APBA1: variants seen among roughly 807,000 people sequenced by gnomAD.
APBA1 encodes the protein amyloid beta precursor protein binding family A member 1, also known as amyloid-beta A4 precursor protein-binding family A member 1.
Under a neutral mutation model 86.6 loss-of-function variants are expected in APBA1, and 55 were observed. The ratio of observed to expected loss-of-function variants is 0.64; its 90% CI spans 0.51 to 0.80. APBA1 has a LOEUF of 0.80. Ranked by LOEUF, APBA1 falls within the 30% of genes least tolerant of loss-of-function variation. The pLI is 0.00. For missense variants in APBA1, 1,090 were observed against 1,183.0 expected (o/e 0.92, Z 1.15); for synonymous variants, 511 against 493.9 (o/e 1.03, Z -0.46).
chr9:69,483,303 G>A (rs538127065), intron 2 of APBA1, among the ~76,000 whole-genome samples: 2 of 152,168 alleles, frequency 1.3e-5, no homozygotes, highest in Non-Finnish European at 2.9e-5. Context: ...GTGTGGGGAT[G>A]CGTGGGGAGG....
chr9:69,492,876 A>C (rs1835736466), intron 2 of APBA1, among the ~76,000 whole-genome samples: 1 of 152,146 alleles, frequency 6.6e-6, no homozygotes, highest in South Asian at 2.1e-4. Flanking sequence ...TCGGCAACAG[A>C]AATTCATGGT....
intron 1 of APBA1, among the ~76,000 whole-genome samples, chr9:69,639,436 G>T (rs1156340444): frequency 1.3e-5 from 2 of 152,060 alleles, no homozygotes; most frequent in African/African-American, 4.8e-5. Context: ...CTGATTCCAG[G>T]TCAAAAGTAG....
chr9:69,452,046 C>T (rs1391935387), intron 9 of APBA1, 76 bp downstream of exon 9: 45 of 1,395,370 alleles, frequency 3.2e-5, no homozygotes, highest in East Asian at 1.4e-4. Flanking sequence ...CCTTCACTTC[C>T]GCGGCAGGGT....
At chr9:69,530,376 C>CTATGCA (rs1435878535) in intron 1 of APBA1, among the ~76,000 whole-genome samples, 1 of 149,514 alleles carries the variant, frequency 6.7e-6, no homozygotes, top group Admixed American at 6.7e-5. Context: ...CTATGGAATA[C>CTATGCA]TATGCAGCCA....
At chr9:69,602,580 AAAG>A (rs1365652222) in intron 1 of APBA1, among the ~76,000 whole-genome samples, 24 of 152,098 alleles carry the variant, frequency 1.6e-4, no homozygotes, top group African/African-American at 4.8e-4. Context: ...CATTAAAAAA[AAAG>A]AAGAAGAAGA....
rs116355318 is a variant in APBA1 at position 69,618,890 on chromosome 9, T to C, written c.-70+53263A>G. 1.8e-3 allele frequency among the ~76,000 whole-genome samples: 281 copies of C among 152,370 alleles called. 1 individual carries two copies. Among genetic ancestry groups the C allele is most frequent in the African/African-American group, 6.3e-3 (260 of 41,592 alleles). On this transcript the variant is annotated intron_variant, in intron 1 of 12. Coordinates refer to ENST00000265381, the MANE Select transcript of APBA1 (RefSeq NM_001163.4). ...ACCCTGCCCCCTACTAGCTGGGGTA[T>C]CTTAGGTCTAAGTCTCTCAACTTTT...
chr9:69,622,504 G>A (rs757237918), intron 1 of APBA1, among the ~76,000 whole-genome samples: 1 of 151,882 alleles, frequency 6.6e-6, no homozygotes, highest in Non-Finnish European at 1.5e-5. Context: ...AGCATCTAAG[G>A]CCAGTGCAAA....
chr9:69,597,595 T>G (rs1822254629), intron 1 of APBA1, among the ~76,000 whole-genome samples: 1 of 152,240 alleles, frequency 6.6e-6, no homozygotes, highest in Non-Finnish European at 1.5e-5. Flanking sequence ...CCCATGCCTA[T>G]GTCTTGAATG....
rs555663421 is a variant in APBA1 at position 69,482,687 on chromosome 9, G to A, written c.1201-6544C>T. On this transcript the variant is annotated intron_variant, in intron 2 of 12. Transcript: ENST00000265381. Reference sequence around the variant, plus strand: ...ACACATGCACACGTATGTTTATTGCGGCATTAGTCGCAATAGCAAAGACTT... The same window carrying A: ...ACACATGCACACGTATGTTTATTGCAGCATTAGTCGCAATAGCAAAGACTT... 3.1e-3 allele frequency among the ~76,000 whole-genome samples: 471 copies of A among 151,854 alleles called. 2 individuals carry two copies. Among genetic ancestry groups the A allele is most frequent in the African/African-American group, 0.011 (440 of 41,394 alleles).
chr9:69,453,527 G>A (rs922450151), intron 8 of APBA1, among the ~76,000 whole-genome samples: 3 of 152,216 alleles, frequency 2.0e-5, no homozygotes, highest in African/African-American at 7.2e-5. Context: ...GCTATACAAG[G>A]TATATGCTAT....
intron 2 of APBA1, among the ~76,000 whole-genome samples, chr9:69,481,388 C>G (rs999810142): frequency 6.6e-6 from 1 of 150,778 alleles, no homozygotes. Flanking sequence ...AAAGAGAATA[C>G]AATACCTAGG....
intron 2 of APBA1, among the ~76,000 whole-genome samples, chr9:69,510,824 G>C (rs1297749394): frequency 6.8e-6 from 1 of 146,882 alleles, no homozygotes; most frequent in Non-Finnish European, 1.5e-5. Context: ...AATGGGGAAA[G>C]GATTCCCTAT....
intron 2 of APBA1, among the ~76,000 whole-genome samples, chr9:69,506,473 CA>C (rs1835968744): frequency 1.1e-5 from 1 of 90,742 alleles, no homozygotes; most frequent in Admixed American, 1.2e-4. Context: ...AACTGCAAGG[CA>C]GCAGCGAGGC....
intron 2 of APBA1, among the ~76,000 whole-genome samples, chr9:69,492,662 G>A (rs144481906): frequency 1.3e-5 from 2 of 152,132 alleles, no homozygotes; most frequent in East Asian, 3.9e-4. Context: ...ATTTCCAAAT[G>A]TAAGAGTTGA....
chr9:69,567,122 A>G (rs574195054), intron 1 of APBA1, among the ~76,000 whole-genome samples: 2 of 152,270 alleles, frequency 1.3e-5, no homozygotes, highest in African/African-American at 4.8e-5. Context: ...CTAGTATAGC[A>G]TTATATATTC....
At chr9:69,672,704 G>A (rs1333034841), upstream of APBA1, 3 of 152,152 alleles carry the variant, frequency 2.0e-5, no homozygotes, top group Non-Finnish European at 4.4e-5. Flanking sequence ...TTTCGGAATG[G>A]GTTCCACAGC....
intron 1 of APBA1, among the ~76,000 whole-genome samples, chr9:69,590,021 T>C (rs927136800): frequency 3.9e-5 from 6 of 152,116 alleles, no homozygotes; most frequent in Non-Finnish European, 5.9e-5. Context: ...TTCACCCTCC[T>C]TCCCAAAACT....
intron 1 of APBA1, among the ~76,000 whole-genome samples, chr9:69,661,129 C>CA (rs1237730767): frequency 6.6e-6 from 1 of 152,182 alleles, no homozygotes; most frequent in Admixed American, 6.5e-5. Context: ...GAAATACAGT[C>CA]ACACTAATAG....
At chr9:69,459,830 G>T (rs1327234916) in intron 5 of APBA1, among the ~76,000 whole-genome samples, 1 of 152,194 alleles carries the variant, frequency 6.6e-6, no homozygotes, top group Non-Finnish European at 1.5e-5. Context: ...TACATGCAAA[G>T]CTCTTCAAAC....
Sources: gnomAD v4.1 joint callset for allele counts (sites outside exome capture counted in the v4.1 genomes callset) on GRCh38, gnomAD v4.1.1 for gene constraint, MANE v1.5 for transcripts, NCBI Gene and HGNC (gene_info 2026-07-23, HGNC 2026-07-21) for gene names.